ITSN1: variants seen among roughly 807,000 people sequenced by gnomAD.
ITSN1 encodes intersectin 1.
Under a neutral mutation model 239.8 loss-of-function variants are expected in ITSN1, and 58 were observed. The ratio of observed to expected loss-of-function variants is 0.24; its 90% CI spans 0.20 to 0.30. ITSN1 has a LOEUF of 0.30. Ranked by LOEUF, ITSN1 falls within the 10% of genes least tolerant of loss-of-function variation. The pLI is 1.00. For missense variants in ITSN1, 1,558 were observed against 2,103.3 expected (o/e 0.74, Z 5.07); for synonymous variants, 780 against 770.8 (o/e 1.01, Z -0.20).
chr21:33,852,415 G>C (rs1447663502), intron 29 of ITSN1, among the ~76,000 whole-genome samples: 2 of 152,146 alleles, frequency 1.3e-5, no homozygotes, highest in Non-Finnish European at 2.9e-5. Flanking sequence ...TGTAGCCCTT[G>C]AAATTTTAAT....
At chr21:33,697,185 C>T (rs915919377) in intron 1 of ITSN1, among the ~76,000 whole-genome samples, 3 of 148,788 alleles carry the variant, frequency 2.0e-5, no homozygotes, top group East Asian at 2.0e-4. Flanking sequence ...CGAGTTGAAG[C>T]GATTCTCCTG....
chr21:33,768,960 G>A (rs2147750706), intron 11 of ITSN1, among the ~76,000 whole-genome samples: 1 of 152,328 alleles, frequency 6.6e-6, no homozygotes, highest in Non-Finnish European at 1.5e-5. Context: ...ATCCATATAA[G>A]CAATCACTTC....
intron 16 of ITSN1, among the ~76,000 whole-genome samples, chr21:33,788,683 A>C (rs73199879): frequency 0.17 from 26,315 of 152,268 alleles, 2,773 homozygotes; most frequent in East Asian, 0.4. Flanking sequence ...CAGAGAGCCA[A>C]GATCATGCCA....
chr21:33,874,937 G>T (rs904168035), intron 33 of ITSN1, among the ~76,000 whole-genome samples: 3 of 152,220 alleles, frequency 2.0e-5, no homozygotes, highest in Non-Finnish European at 2.9e-5. Context: ...GTGAGCCACT[G>T]TGCCCGGCCA....
At chr21:33,724,522 C>A (rs1002132331) in intron 4 of ITSN1, among the ~76,000 whole-genome samples, 1 of 152,240 alleles carries the variant, frequency 6.6e-6, no homozygotes, top group Non-Finnish European at 1.5e-5. Flanking sequence ...CAGGACCTCT[C>A]GCTGGAACCT....
intron 19 of ITSN1, among the ~76,000 whole-genome samples, chr21:33,801,902 C>T (rs2072032998): frequency 6.6e-6 from 1 of 152,206 alleles, no homozygotes; most frequent in South Asian, 2.1e-4. Context: ...ACTTCACCAC[C>T]TGCTGTTTCC....
intron 1 of ITSN1, among the ~76,000 whole-genome samples, chr21:33,670,140 T>C (rs554819616): frequency 6.6e-6 from 1 of 152,244 alleles, no homozygotes; most frequent in East Asian, 1.9e-4. Flanking sequence ...GGTGGTAGGA[T>C]CACTTGAGCC....
At chr21:33,872,125 A>G (rs3787717) in intron 33 of ITSN1, among the ~76,000 whole-genome samples, 56,545 of 152,132 alleles carry the variant, frequency 0.37, 11,160 homozygotes, top group East Asian at 0.51. Flanking sequence ...TTGCCAGATG[A>G]GCGTATATTG....
intron 4 of ITSN1, among the ~76,000 whole-genome samples, chr21:33,723,475 G>A (rs1401464893): frequency 6.6e-6 from 1 of 152,146 alleles, no homozygotes; most frequent in Non-Finnish European, 1.5e-5. Context: ...TTAGCCAGGT[G>A]TGGTGGCGGG....
At position 33,648,404 on chromosome 21, in the gene ITSN1, T is replaced by A. The variant is rs571832527; in HGVS notation, c.-33+5691T>A. Reference sequence around the variant, plus strand: ...AAACTCTTAGCCTGTTTCCTAGACATGTTTTATAGGCATTTGGGTACTTTT... The same window carrying A: ...AAACTCTTAGCCTGTTTCCTAGACAAGTTTTATAGGCATTTGGGTACTTTT... On this transcript the variant is annotated intron_variant, in intron 1 of 39. Transcript: ENST00000381318. Among the ~76,000 whole-genome samples the A allele has an allele frequency of 1.1e-4, 17 of 152,324 alleles. No individual in the cohort carries two copies. The South Asian group carries it at 2.5e-3, about 22-fold the overall frequency.
intron 5 of ITSN1, among the ~76,000 whole-genome samples, chr21:33,745,205 C>T (rs962962763): frequency 4.6e-5 from 7 of 152,174 alleles, no homozygotes; most frequent in African/African-American, 1.4e-4. Context: ...GATGTAGCTG[C>T]GTATTTGCAG....
chr21:33,806,980 CCTTT>C (rs538260767), intron 20 of ITSN1, among the ~76,000 whole-genome samples: 33 of 152,110 alleles, frequency 2.2e-4, no homozygotes, highest in Non-Finnish European at 3.5e-4. Context: ...ACCTTTGTGC[CCTTT>C]CTAAGTGGTT....
At chr21:33,746,342 G>C (rs1013191633) in intron 5 of ITSN1, among the ~76,000 whole-genome samples, 1 of 152,098 alleles carries the variant, frequency 6.6e-6, no homozygotes, top group African/African-American at 2.4e-5. Flanking sequence ...CAAGAAAAGA[G>C]GCAGTCAGTA....
intron 29 of ITSN1, among the ~76,000 whole-genome samples, chr21:33,844,406 C>T (rs992959485): frequency 1.3e-5 from 2 of 152,234 alleles, no homozygotes; most frequent in Non-Finnish European, 2.9e-5. Context: ...AAACCTGTCA[C>T]AAATGCATTG....
At chr21:33,828,858 G>A (rs765868925) in intron 26 of ITSN1, 28 of 443,592 alleles carry the variant, frequency 6.3e-5, no homozygotes, top group Middle Eastern at 6.8e-4. Context: ...CTGTGGTACC[G>A]CTGGAGTTTT....
At chr21:33,829,040 A>G in intron 26 of ITSN1, 1 of 468,444 alleles carries the variant, frequency 2.1e-6, no homozygotes, top group Non-Finnish European at 4.4e-6. Context: ...TTCAGGGATC[A>G]CTCTCAAAAT....
intron 11 of ITSN1, 79 bp from the exon 12 acceptor site, chr21:33,771,982 A>G (rs2069199754): frequency 6.6e-7 from 1 of 1,515,018 alleles, no homozygotes; most frequent in African/African-American, 1.4e-5. Context: ...CAAATTTCAA[A>G]TACATTGGTG....
chr21:33,824,219 G>A (rs573327097), intron 25 of ITSN1, among the ~76,000 whole-genome samples: 4 of 152,258 alleles, frequency 2.6e-5, no homozygotes, highest in South Asian at 2.1e-4. Flanking sequence ...CGTATGAATT[G>A]GAAGTGCTCT....
intron 1 of ITSN1, among the ~76,000 whole-genome samples, chr21:33,673,530 G>A (rs76868569): frequency 0.01 from 1,586 of 152,318 alleles, 44 homozygotes; most frequent in African/African-American, 0.037. Context: ...GTTTGAAGGG[G>A]CGAGGACAGA....
Sources: gnomAD v4.1 joint callset for allele counts (sites outside exome capture counted in the v4.1 genomes callset) on GRCh38, gnomAD v4.1.1 for gene constraint, MANE v1.5 for transcripts, NCBI Gene and HGNC (gene_info 2026-07-23, HGNC 2026-07-21) for gene names.